FMN1: variants seen among roughly 807,000 people sequenced by gnomAD.
The protein encoded by FMN1 is formin-1.
A neutral mutation model predicts 132.4 loss-of-function variants in FMN1; 110 were observed. The observed-to-expected ratio is 0.83, with a 90% CI of 0.71 to 0.97. The LOEUF (loss-of-function observed/expected upper bound fraction) is 0.97, where lower values mean the gene tolerates loss of function less well. Ranked by LOEUF, FMN1 falls within the 50% of genes least tolerant of loss-of-function variation. The pLI is 0.00. For synonymous variants in FMN1, 722 were observed against 651.7 expected (o/e 1.11, Z -1.64); for missense variants, 1,792 against 1,705.3 (o/e 1.05, Z -0.90).
At chr15:32,814,344 T>G (rs1184157597) in intron 17 of FMN1, among the ~76,000 whole-genome samples, 1 of 152,266 alleles carries the variant, frequency 6.6e-6, no homozygotes, top group East Asian at 1.9e-4. Context: ...TATTTCCTTG[T>G]AATTAAAAAA....
intron 9 of FMN1, among the ~76,000 whole-genome samples, chr15:32,940,934 C>T (rs188036848): frequency 3.7e-4 from 57 of 152,222 alleles, no homozygotes; most frequent in African/African-American, 1.4e-3. Context: ...TAGTGGGATT[C>T]CTGACTGTAT....
intron 7 of FMN1, among the ~76,000 whole-genome samples, chr15:32,973,270 C>T (rs895274180): frequency 3.9e-5 from 6 of 152,168 alleles, no homozygotes; most frequent in African/African-American, 1.4e-4. Flanking sequence ...TGGCTTTTGT[C>T]CCTTCCCCAG....
At chr15:33,128,631 A>T (rs952155352) in intron 4 of FMN1, among the ~76,000 whole-genome samples, 2 of 152,194 alleles carry the variant, frequency 1.3e-5, no homozygotes, top group Non-Finnish European at 2.9e-5. Context: ...CAAGTGTTAC[A>T]GCTCTTAAAG....
intron 16 of FMN1, among the ~76,000 whole-genome samples, chr15:32,886,857 A>G (rs1242137404): frequency 2.6e-5 from 4 of 152,184 alleles, no homozygotes; most frequent in South Asian, 2.1e-4. Context: ...CTTTATTACA[A>G]TATTAATCAA....
chr15:32,800,450 T>C (rs531879864), intron 18 of FMN1, among the ~76,000 whole-genome samples: 3 of 152,352 alleles, frequency 2.0e-5, no homozygotes, highest in East Asian at 1.9e-4. Context: ...CTTATTTCCA[T>C]GGCAGTCCAA....
At chr15:32,885,686 CCATT>C (rs758870651) in intron 16 of FMN1, among the ~76,000 whole-genome samples, 60 of 152,282 alleles carry the variant, frequency 3.9e-4, no homozygotes, top group Admixed American at 5.2e-4. Flanking sequence ...CATAAAAATG[CCATT>C]CAAAGTTCTT....
chr15:33,015,844 A>G (rs765878586), intron 6 of FMN1, among the ~76,000 whole-genome samples: 1 of 152,240 alleles, frequency 6.6e-6, no homozygotes, highest in Non-Finnish European at 1.5e-5. Flanking sequence ...TTTAATGTGC[A>G]TTAGGGAAAA....
At chr15:33,065,113 C>T (rs753649625) in intron 5 of FMN1, 39 bp from the exon 6 acceptor site, 16 of 1,372,614 alleles carry the variant, frequency 1.2e-5, no homozygotes, top group Non-Finnish European at 1.5e-5. Flanking sequence ...GGAATGTAGT[C>T]AGAGCCGATT....
intron 6 of FMN1, among the ~76,000 whole-genome samples, chr15:33,035,065 T>C (rs2036125425): frequency 6.6e-6 from 1 of 152,194 alleles, no homozygotes; most frequent in Non-Finnish European, 1.5e-5. Flanking sequence ...ATTTACAAAA[T>C]AAATTACAAC....
chr15:32,963,512 G>GA (rs201729074), intron 9 of FMN1, among the ~76,000 whole-genome samples: 8 of 141,604 alleles, frequency 5.6e-5, no homozygotes, highest in East Asian at 4.0e-4. Flanking sequence ...ATAAGAAGAA[G>GA]AAAAAAAAAA....
chr15:32,953,803 G>A (rs1436053988), intron 9 of FMN1, among the ~76,000 whole-genome samples: 2 of 152,208 alleles, frequency 1.3e-5, no homozygotes, highest in Admixed American at 6.5e-5. Flanking sequence ...AAGGACAACT[G>A]CAAAGAGAGA....
At position 33,153,189 on chromosome 15, in the gene FMN1, A is replaced by C; in HGVS notation, c.1726T>G (p.Ser576Ala). The change falls in exon 4 of 21, where the codon TCT becomes GCT. Residue 576 changes from serine to alanine, a missense_variant. Physicochemically the swap from Ser to Ala is moderately conservative, Grantham distance 99. Around this residue, in one of 3 missense-constraint regions of FMN1, gnomAD observed 1,150 missense variants for 1,043.1 expected, o/e 1.10. Coordinates refer to ENST00000616417, the MANE Select transcript of FMN1 (RefSeq NM_001277313.2). ...CCTTTGGTCTCCGTGACCTTTGCAG[A>C]GGATGGTGGCTCCAAGGTGTCAGCA... ...VSADTLEPPSSAKVTETKGAS... is the reference protein window; with the variant it reads ...VSADTLEPPSAAKVTETKGAS... 6.5e-7 allele frequency: 1 copy of C among 1,536,106 alleles called. No individual in the cohort carries two copies. The highest frequency in any genetic ancestry group is 8.7e-7 in the Non-Finnish European group (1 of 1,146,914).
At chr15:33,172,876 G>A (rs987863651) in intron 3 of FMN1, among the ~76,000 whole-genome samples, 1 of 152,180 alleles carries the variant, frequency 6.6e-6, no homozygotes, top group African/African-American at 2.4e-5. Flanking sequence ...TAATGTTGCA[G>A]AAAATATGAA....
chr15:32,919,306 C>T (rs2060762619), intron 10 of FMN1, among the ~76,000 whole-genome samples: 1 of 152,198 alleles, frequency 6.6e-6, no homozygotes, highest in Non-Finnish European at 1.5e-5. Flanking sequence ...AGAGCAGACA[C>T]TTTGGTTGCT....
intron 15 of FMN1, among the ~76,000 whole-genome samples, chr15:32,890,131 G>A (rs764884071): frequency 7.1e-5 from 10 of 139,902 alleles, no homozygotes; most frequent in African/African-American, 1.1e-4. Context: ...AGTAGTATTC[G>A]ATTGTATATA....
rs181896171 is a variant in FMN1 at position 32,852,603 on chromosome 15, G to A, written c.3928+4412C>T. 5.9e-5 allele frequency among the ~76,000 whole-genome samples: 9 copies of A among 152,274 alleles called. No homozygotes were observed. The South Asian group carries it at 1.9e-3, about 32-fold the overall frequency. On this transcript the variant is annotated intron_variant, in intron 17 of 20. Coordinates refer to ENST00000616417, the MANE Select transcript of FMN1 (RefSeq NM_001277313.2). ...GCTGGTTTCAAACTCCTGGCCTCAA[G>A]TGATCCTCCTACCTCGGCTTTGCCA...
intron 10 of FMN1, among the ~76,000 whole-genome samples, chr15:32,921,042 T>C (rs890784003): frequency 6.6e-6 from 1 of 152,124 alleles, no homozygotes; most frequent in African/African-American, 2.4e-5. Flanking sequence ...GCAGTCTCCT[T>C]CTCAGAGCTT....
intron 5 of FMN1, among the ~76,000 whole-genome samples, chr15:33,068,532 C>T (rs1296585836): frequency 6.6e-6 from 1 of 152,180 alleles, no homozygotes; most frequent in Non-Finnish European, 1.5e-5. Context: ...TCAGCAGCCA[C>T]TTACGAAGCC....
At chr15:33,028,743 T>A (rs1281757330) in intron 6 of FMN1, among the ~76,000 whole-genome samples, 3 of 152,132 alleles carry the variant, frequency 2.0e-5, no homozygotes, top group Non-Finnish European at 4.4e-5. Flanking sequence ...CTATCCAATC[T>A]CTGGGGTAGA....
Sources: allele counts gnomAD v4.1 joint callset (sites outside exome capture counted in the v4.1 genomes callset), GRCh38; gene constraint gnomAD v4.1.1; regional missense constraint gnomAD v4.1.1; transcripts MANE v1.5; gene names NCBI Gene and HGNC (gene_info 2026-07-23, HGNC 2026-07-21).